MORN1: variants seen among roughly 807,000 people sequenced by gnomAD.
MORN1 encodes MORN repeat-containing protein 1.
Under a neutral mutation model 61.9 loss-of-function variants are expected in MORN1, and 67 were observed. The ratio of observed to expected loss-of-function variants is 1.08; its 90% CI spans 0.89 to 1.33. The LOEUF is 1.33. MORN1 is among the 40% of genes most tolerant of loss of function. The probability of loss-of-function intolerance (pLI) is 0.00; values close to 1 mark genes in which losing one functional copy is unlikely to be tolerated. For synonymous variants in MORN1, 301 were observed against 292.0 expected (o/e 1.03, Z -0.31); for missense variants, 752 against 691.2 (o/e 1.09, Z -0.99).
intron 13 of MORN1, chr1:2,323,468 CGGTGCCCA>C: frequency 1.0e-6 from 1 of 985,380 alleles, no homozygotes; most frequent in Non-Finnish European, 1.2e-6. Flanking sequence ...CAGTCAGCCG[CGGTGCCCA>C]GGTCCTGCTA....
chr1:2,339,633 C>A (rs1641352246), intron 10 of MORN1, among the ~76,000 whole-genome samples: 1 of 152,224 alleles, frequency 6.6e-6, no homozygotes, highest in African/African-American at 2.4e-5. Flanking sequence ...CCCTGCCACA[C>A]CCCCGCCAGG....
chr1:2,386,948 T>C (rs898647483), intron 4 of MORN1: 2 of 160,932 alleles, frequency 1.2e-5, no homozygotes, highest in African/African-American at 4.8e-5. Flanking sequence ...GTGGAGGAAG[T>C]GGCTAAGCTG....
intron 12 of MORN1, 44 bp from the exon 13 acceptor site, chr1:2,324,187 C>G: frequency 6.4e-7 from 1 of 1,560,234 alleles, no homozygotes; most frequent in Middle Eastern, 1.7e-4. Context: ...CCTGCCTGGG[C>G]CCCGACGACA....
At chr1:2,387,252 G>A in intron 4 of MORN1, 167 bp downstream of exon 4, 2 of 643,104 alleles carry the variant, frequency 3.1e-6, no homozygotes, top group African/African-American at 1.8e-5. Context: ...GCCGGGCATA[G>A]GACATGGCCT....
intron 8 of MORN1, among the ~76,000 whole-genome samples, chr1:2,367,856 T>C (rs1251254276): frequency 6.6e-6 from 1 of 152,148 alleles, no homozygotes; most frequent in Non-Finnish European, 1.5e-5. Context: ...CTTGAACTCC[T>C]GACCTCAGGT....
chr1:2,339,435 G>A (rs1019548592), intron 10 of MORN1, among the ~76,000 whole-genome samples: 5 of 152,194 alleles, frequency 3.3e-5, no homozygotes, highest in African/African-American at 1.2e-4. Context: ...CCTGGGTCCT[G>A]GCTGTGACCG....
chr1:2,339,084 T>G (rs1641341441), intron 10 of MORN1, among the ~76,000 whole-genome samples: 1 of 152,176 alleles, frequency 6.6e-6, no homozygotes, highest in Non-Finnish European at 1.5e-5. Flanking sequence ...GTGCGGTCCC[T>G]GTCCAAGAGT....
intron 1 of MORN1, 113 bp from the exon 2 acceptor site, chr1:2,390,109 C>G (rs1393539317): frequency 2.0e-6 from 2 of 988,162 alleles, no homozygotes; most frequent in African/African-American, 3.2e-5. Context: ...GGTTGGTACA[C>G]GTCACCTTCA....
intron 10 of MORN1, among the ~76,000 whole-genome samples, chr1:2,356,114 C>T (rs968010354): frequency 6.6e-6 from 1 of 152,108 alleles, no homozygotes. Context: ...GGGCTCAGGT[C>T]TAGAGTAGAG....
Position 2,389,986 on chromosome 1 carries a change from G to A in MORN1, c.87C>T (p.Val29=), listed in dbSNP as rs749753036. ...GAAAGAAGGAATTTGGGTATACGTA[G>A]ACACCATAACCTGAGTATTGAGAAG... ...PRRPPRNGYG[V]YVYPNSFFRY... Residue 29 remains valine (V), a synonymous_variant, in exon 2 of 14, where the codon GTC becomes GTT. Transcript: ENST00000378531. 5.0e-6 allele frequency: 8 copies of A among 1,613,848 alleles called. No homozygotes were observed. In the South Asian group the frequency reaches 8.8e-5, roughly 18 times the overall value.
At chr1:2,336,603 G>C in intron 11 of MORN1, 55 bp from the exon 12 acceptor site, 1 of 1,603,848 alleles carries the variant, frequency 6.2e-7, no homozygotes, top group Non-Finnish European at 8.5e-7. Context: ...GGTGGGCCTA[G>C]GAGCTCTGCT....
chr1:2,383,700 A>G (rs1642422417), intron 6 of MORN1, among the ~76,000 whole-genome samples: 1 of 149,206 alleles, frequency 6.7e-6, no homozygotes, highest in South Asian at 2.2e-4. Context: ...CCTATCTGTT[A>G]GTGCTGCTGG....
At chr1:2,329,264 G>T (rs1173086886) in intron 12 of MORN1, among the ~76,000 whole-genome samples, 1 of 152,174 alleles carries the variant, frequency 6.6e-6, no homozygotes, top group South Asian at 2.1e-4. Context: ...AGCTGTTCCC[G>T]CCCGGCCCTC....
At chr1:2,330,558 C>T (rs929553850) in intron 12 of MORN1, among the ~76,000 whole-genome samples, 1 of 152,162 alleles carries the variant, frequency 6.6e-6, no homozygotes, top group African/African-American at 2.4e-5. Flanking sequence ...GGAGCATCCA[C>T]GATCTTTTCA....
chr1:2,364,628 C>A (rs941101867), intron 8 of MORN1, among the ~76,000 whole-genome samples: 1 of 150,620 alleles, frequency 6.6e-6, no homozygotes, highest in Non-Finnish European at 1.5e-5. Flanking sequence ...GACATGAAGT[C>A]CTTGCCCATG....
intron 12 of MORN1, among the ~76,000 whole-genome samples, chr1:2,335,144 A>G (rs1400344262): frequency 6.6e-6 from 1 of 152,182 alleles, no homozygotes; most frequent in African/African-American, 2.4e-5. Context: ...CCCATGCGTG[A>G]GTGGCATCGA....
At chr1:2,385,599 A>G in intron 5 of MORN1, 1 of 487,220 alleles carries the variant, frequency 2.1e-6, no homozygotes, top group Non-Finnish European at 3.7e-6. Context: ...CAATTTCAAT[A>G]AACAAGGGGA....
chr1:2,322,979 T>C, intron 13 of MORN1: 1 of 985,444 alleles, frequency 1.0e-6, no homozygotes, highest in Non-Finnish European at 1.2e-6. Context: ...GTACATGGCT[T>C]AGCCCCAAGT....
In MORN1 at chr1:2,338,380, G is replaced by A. The variant is rs545277919; in HGVS notation, c.1037-1530C>T. ...TTTACGTCCGGGGCAATGGCTGGGA[G>A]CTGCACTGCTGACGGCATAATTTCC... is the stretch of plus-strand genomic sequence containing the variant. On this transcript the variant is annotated intron_variant, in intron 10 of 13. Coordinates refer to ENST00000378531, the MANE Select transcript of MORN1 (RefSeq NM_024848.3). Among the ~76,000 whole-genome samples the A allele has an allele frequency of 1.7e-4, 26 of 152,318 alleles. No homozygotes were observed. The Middle Eastern group carries it at 0.01, about 60-fold the overall frequency.
Sources: allele counts gnomAD v4.1 joint callset (sites outside exome capture counted in the v4.1 genomes callset), GRCh38; gene constraint gnomAD v4.1.1; transcripts MANE v1.5; gene names NCBI Gene and HGNC (gene_info 2026-07-23, HGNC 2026-07-21).